PCDHA6: variants seen among roughly 807,000 people sequenced by gnomAD.
PCDHA6 encodes protocadherin alpha-6.
A neutral mutation model predicts 60.3 loss-of-function variants in PCDHA6; 55 were observed. That is an observed-to-expected ratio of 0.91 (90% CI 0.73 to 1.14). The LOEUF is 1.14. Among genes scored for constraint, PCDHA6 ranks in the 50% most tolerant of loss-of-function variants. PCDHA6 has a pLI of 0.00. For synonymous variants in PCDHA6, 652 were observed against 557.9 expected, an observed-to-expected ratio of 1.17 and a Z score of -2.38; for missense variants, 1,327 against 1,256.5, an observed-to-expected ratio of 1.06 and a Z score of -0.85.
chr5:140,918,895 A>G (rs1319042193), intron 1 of PCDHA6, among the ~76,000 whole-genome samples: 2 of 152,206 alleles, frequency 1.3e-5, no homozygotes, highest in East Asian at 3.9e-4. Flanking sequence ...TGAAAAATAA[A>G]TCTCTCTTGT....
intron 1 of PCDHA6, chr5:140,883,268 T>G: frequency 6.2e-7 from 1 of 1,614,030 alleles, no homozygotes; most frequent in Non-Finnish European, 8.5e-7. Flanking sequence ...GGCGGGTCAT[T>G]GTACCCTTTT....
chr5:140,957,328 G>A (rs1312649094), intron 1 of PCDHA6, among the ~76,000 whole-genome samples: 1 of 152,134 alleles, frequency 6.6e-6, no homozygotes, highest in Admixed American at 6.5e-5. Context: ...GCACAGTACA[G>A]TAAGATATTT....
At chr5:140,960,446 T>C (rs1563310715) in intron 1 of PCDHA6, among the ~76,000 whole-genome samples, 2 of 152,204 alleles carry the variant, frequency 1.3e-5, no homozygotes, top group African/African-American at 4.8e-5. Context: ...GATATATGTA[T>C]GGATAATTTT....
chr5:140,918,899 C>G (rs2078917474), intron 1 of PCDHA6, among the ~76,000 whole-genome samples: 1 of 152,206 alleles, frequency 6.6e-6, no homozygotes, highest in African/African-American at 2.4e-5. Context: ...AAATAAATCT[C>G]TCTTGTTTAT....
chr5:140,918,748 C>T (rs1303112000), intron 1 of PCDHA6, among the ~76,000 whole-genome samples: 1 of 152,110 alleles, frequency 6.6e-6, no homozygotes, highest in Non-Finnish European at 1.5e-5. Flanking sequence ...ATAAAAGAGG[C>T]CCAGAGAGGT....
At chr5:140,932,145 C>G (rs1231469475) in intron 1 of PCDHA6, among the ~76,000 whole-genome samples, 2 of 151,710 alleles carry the variant, frequency 1.3e-5, no homozygotes, top group African/African-American at 4.8e-5. Context: ...AAAATTGATT[C>G]ACTGATTGTA....
At chr5:141,003,510 A>C (rs1468305070) in intron 3 of PCDHA6, among the ~76,000 whole-genome samples, 1 of 152,070 alleles carries the variant, frequency 6.6e-6, no homozygotes, top group African/African-American at 2.4e-5. Context: ...ATGGGGTTTC[A>C]CCATGTTCCC....
At chr5:140,857,947 G>A in intron 1 of PCDHA6, 4 of 1,597,414 alleles carry the variant, frequency 2.5e-6, no homozygotes, top group Non-Finnish European at 2.6e-6. Context: ...TCAGTACGAC[G>A]CGCGCTCTGG....
intron 1 of PCDHA6, chr5:140,835,978 A>G (rs1490395920): frequency 6.2e-7 from 1 of 1,613,260 alleles, no homozygotes; most frequent in African/African-American, 1.3e-5. Context: ...GAGCTGTTGC[A>G]GTTCCAGGTG....
At chr5:140,883,597 G>T (rs2059691205) in intron 1 of PCDHA6, 3 of 1,614,004 alleles carry the variant, frequency 1.9e-6, no homozygotes, top group Middle Eastern at 1.7e-4. Context: ...GCGTGTCGGT[G>T]GGGGTGGCCG....
intron 3 of PCDHA6, among the ~76,000 whole-genome samples, chr5:140,993,787 A>AT (rs1554253947): frequency 6.6e-6 from 1 of 152,196 alleles, no homozygotes; most frequent in Non-Finnish European, 1.5e-5. Context: ...GTACAGTAAC[A>AT]TGCTGTGCAG....
At chr5:140,959,712 T>G (rs166567) in intron 1 of PCDHA6, among the ~76,000 whole-genome samples, 1 of 152,020 alleles carries the variant, frequency 6.6e-6, no homozygotes, top group African/African-American at 2.4e-5. Flanking sequence ...AAAGGGAAAA[T>G]TTTTAGATAA....
chr5:140,877,049 A>G (rs1554169270), intron 1 of PCDHA6: 4 of 1,612,684 alleles, frequency 2.5e-6, no homozygotes, highest in Middle Eastern at 3.9e-4. Context: ...CTAGACCACG[A>G]GGAGCTGGAG....
chr5:140,828,102 C>T lies in PCDHA6; in HGVS notation c.11C>T (p.Thr4Ile). ...CCAGAGGTATTTGACATGGTGTTTACCCCGGAGGATAGATTGGGAAAGCAA... is the reference window on the plus strand; with the variant it reads ...CCAGAGGTATTTGACATGGTGTTTATCCCGGAGGATAGATTGGGAAAGCAA... Reference protein sequence around the residue: MVFTPEDRLGKQCL... With the variant: MVFIPEDRLGKQCL... Residue 4 changes from threonine to isoleucine, a missense_variant, in exon 1 of 4, where the codon ACC (threonine) becomes ATC (isoleucine). Physicochemically the swap from Thr to Ile is moderately conservative, Grantham distance 89 (BLOSUM62 -1). Transcript: ENST00000529310. The T allele has an allele frequency of 6.8e-6, 11 of 1,608,522 alleles. No homozygotes were observed. Among genetic ancestry groups the T allele is most frequent in the Non-Finnish European group, 9.3e-6 (11 of 1,176,730 alleles).
chr5:140,842,062 C>G lies in PCDHA6; in HGVS notation c.2394+11577C>G, dbSNP rs548664799. The G allele has an allele frequency of 3.1e-6, 5 of 1,613,774 alleles. No individual in the cohort carries two copies. In the African/African-American group the frequency reaches 6.7e-5, roughly 22 times the overall value. ...CTCCCACTTTCGAACAGTCTGAATA[C>G]GAAGTAAGAATATTCGAAAACGCAG... On this transcript the variant is annotated intron_variant, in intron 1 of 3. Coordinates refer to ENST00000529310, the MANE Select transcript of PCDHA6 (RefSeq NM_018909.4).
chr5:140,897,701 C>T (rs1161358145), intron 1 of PCDHA6, among the ~76,000 whole-genome samples: 58 of 152,238 alleles, frequency 3.8e-4, no homozygotes, highest in Non-Finnish European at 7.4e-4. Flanking sequence ...TGGGCATATA[C>T]CCAGTAATGG....
At chr5:140,866,727 T>C (rs1254232410) in intron 1 of PCDHA6, 1 of 152,170 alleles carries the variant, frequency 6.6e-6, no homozygotes, top group East Asian at 1.9e-4. Context: ...CATTAAACTA[T>C]GCACTCTAAT....
At chr5:140,920,842 A>T (rs1377558160) in intron 1 of PCDHA6, among the ~76,000 whole-genome samples, 3 of 127,576 alleles carry the variant, frequency 2.4e-5, no homozygotes, top group Non-Finnish European at 5.0e-5. Context: ...GACCAAATCT[A>T]AAAAAAAAAA....
chr5:140,917,042 G>A (rs73793522), intron 1 of PCDHA6, among the ~76,000 whole-genome samples: 8,683 of 152,228 alleles, frequency 0.057, 736 homozygotes, highest in African/African-American at 0.19. Flanking sequence ...GTCCAGCACA[G>A]TGTTGTTCCC....
Sources: allele counts gnomAD v4.1 joint callset (sites outside exome capture counted in the v4.1 genomes callset), GRCh38; gene constraint gnomAD v4.1.1; transcripts MANE v1.5; gene names NCBI Gene and HGNC (gene_info 2026-07-23, HGNC 2026-07-21).